NCOA7: variants seen among roughly 807,000 people sequenced by gnomAD.
NCOA7 encodes 140 kDa estrogen receptor-associated protein.
NCOA7 carries 45 observed loss-of-function variants against 104.3 expected under a neutral mutation model. That is an observed-to-expected ratio of 0.43 (90% CI 0.34 to 0.55). The LOEUF (loss-of-function observed/expected upper bound fraction) is 0.55. NCOA7 is among the 20% of genes least tolerant of loss of function. The pLI, the probability that NCOA7 is intolerant of heterozygous loss-of-function variation, is 0.02. For synonymous variants in NCOA7, 398 were observed against 402.3 expected (o/e 0.99, Z 0.13); for missense variants, 1,041 against 1,119.7 (o/e 0.93, Z 1.00).
intron 11 of NCOA7, 69 bp from the exon 12 acceptor site, chr6:125,920,874 G>A: frequency 6.3e-7 from 1 of 1,576,478 alleles, no homozygotes; most frequent in South Asian, 1.1e-5. Flanking sequence ...TCCCTAGAGT[G>A]ATTTTTTAAA....
At position 125,799,880 on chromosome 6, in the gene NCOA7, G is replaced by T. The variant is rs577587773; in HGVS notation, c.-65+8813G>T. Among the ~76,000 whole-genome samples the T allele has an allele frequency of 2.6e-5, 4 of 152,276 alleles. No individual in the cohort carries two copies. The East Asian group carries it at 7.7e-4, about 29-fold the overall frequency. Reference sequence around the variant, plus strand: ...TGTTGATGACATTCTTAGAGATAACGTATGAGTGTTCTGTTTCATGATCCC... The same window carrying T: ...TGTTGATGACATTCTTAGAGATAACTTATGAGTGTTCTGTTTCATGATCCC... On this transcript the variant is annotated intron_variant, in intron 1 of 15. Coordinates refer to ENST00000392477, the MANE Select transcript of NCOA7 (RefSeq NM_181782.5).
chr6:125,804,836 C>T (rs1776284524), intron 1 of NCOA7, among the ~76,000 whole-genome samples: 1 of 151,926 alleles, frequency 6.6e-6, no homozygotes, highest in Non-Finnish European at 1.5e-5. Flanking sequence ...TTACCAATTC[C>T]ATTTTCTGTG....
intron 2 of NCOA7, among the ~76,000 whole-genome samples, chr6:125,830,296 A>G (rs1264077258): frequency 6.6e-6 from 1 of 152,172 alleles, no homozygotes; most frequent in African/African-American, 2.4e-5. Context: ...CCATCCCTGA[A>G]CCTTTTCCAG....
chr6:125,852,009 G>A (rs552588698), intron 2 of NCOA7, among the ~76,000 whole-genome samples: 1 of 151,976 alleles, frequency 6.6e-6, no homozygotes, highest in African/African-American at 2.4e-5. Context: ...TTTGTCAGAT[G>A]CATAGTTTGT....
At chr6:125,892,177 A>G (rs977650326) in intron 10 of NCOA7, among the ~76,000 whole-genome samples, 4 of 152,182 alleles carry the variant, frequency 2.6e-5, no homozygotes, top group Non-Finnish European at 5.9e-5. Context: ...CCTATCATAT[A>G]TATCACTTTT....
chr6:125,799,404 A>G (rs1017129902), intron 1 of NCOA7, among the ~76,000 whole-genome samples: 8 of 151,924 alleles, frequency 5.3e-5, no homozygotes, highest in Non-Finnish European at 1.0e-4. Context: ...TTGTGCCACA[A>G]ATGAACTAAA....
intron 13 of NCOA7, among the ~76,000 whole-genome samples, chr6:125,926,958 A>T (rs1335045836): frequency 1.3e-5 from 2 of 152,172 alleles, no homozygotes; most frequent in Admixed American, 1.3e-4. Flanking sequence ...ACTACTCCTC[A>T]TGTAGCTTGG....
At position 125,905,611 on chromosome 6, in the gene NCOA7, G is replaced by A. The variant is rs1057021166; in HGVS notation, c.2097-9722G>A. ...ACCTTCCAGAAAATACCGGAGCCAG[G>A]TTCGATTTAACAAAGGGCATATACA... On this transcript the variant is annotated intron_variant, in intron 10 of 15. Coordinates refer to ENST00000392477, the MANE Select transcript of NCOA7 (RefSeq NM_181782.5). Among the ~76,000 whole-genome samples the A allele has an allele frequency of 4.6e-5, 7 of 152,094 alleles. No homozygotes were observed. In the East Asian group the frequency reaches 1.4e-3, roughly 29 times the overall value.
chr6:125,838,207 G>A (rs1377479106), intron 2 of NCOA7, among the ~76,000 whole-genome samples: 1 of 152,180 alleles, frequency 6.6e-6, no homozygotes, highest in Non-Finnish European at 1.5e-5. Flanking sequence ...GGGTGCAGAA[G>A]CTTCTATACC....
intron 10 of NCOA7, 41 bp downstream of exon 10, chr6:125,890,851 G>A (rs749761440): frequency 7.0e-7 from 1 of 1,429,058 alleles, no homozygotes; most frequent in Admixed American, 2.6e-5. Context: ...GGTCTGTTAG[G>A]TTTGGATGGC....
chr6:125,806,943 G>C (rs1166494394), intron 1 of NCOA7, among the ~76,000 whole-genome samples: 1 of 152,168 alleles, frequency 6.6e-6, no homozygotes, highest in African/African-American at 2.4e-5. Flanking sequence ...TTATTTAGGT[G>C]AGGTGTTGAA....
At chr6:125,927,524 TTTTAAG>T (rs1788140618) in intron 13 of NCOA7, 133 bp from the exon 14 acceptor site, 5 of 662,806 alleles carry the variant, frequency 7.5e-6, no homozygotes, top group African/African-American at 1.8e-5. Context: ...TTGGTGGTCT[TTTTAAG>T]TTTGAGTGCC....
chr6:125,791,919 C>A lies in NCOA7; in HGVS notation c.-65+852C>A, dbSNP rs900799046. Among the ~76,000 whole-genome samples the A allele has an allele frequency of 3.9e-5, 6 of 152,148 alleles. No homozygotes were observed. The East Asian group carries it at 1.2e-3, about 29-fold the overall frequency. ...AGCTTTTGGCAAGATTCCCTCTTCC[C>A]AGACTATCATTTTTTATTTTATATT... On this transcript the variant is annotated intron_variant, in intron 1 of 15. Transcript: ENST00000392477.
At chr6:125,852,526 T>G (rs898470148) in intron 2 of NCOA7, among the ~76,000 whole-genome samples, 1 of 152,142 alleles carries the variant, frequency 6.6e-6, no homozygotes, top group Non-Finnish European at 1.5e-5. Flanking sequence ...CTTCTAGAGT[T>G]TTTGTGGTAT....
chr6:125,916,262 G>A (rs2128691127), intron 11 of NCOA7, among the ~76,000 whole-genome samples: 2 of 152,318 alleles, frequency 1.3e-5, no homozygotes, highest in Middle Eastern at 6.8e-3. Context: ...CTTCTGCCAT[G>A]ATTGTAAGTT....
chr6:125,897,114 CG>C (rs1785091197), intron 10 of NCOA7, among the ~76,000 whole-genome samples: 1 of 152,190 alleles, frequency 6.6e-6, no homozygotes, highest in Non-Finnish European at 1.5e-5. Flanking sequence ...CGTATACATG[CG>C]CACACAGGTA....
At chr6:125,924,883 C>T (rs1787897303) in intron 13 of NCOA7, among the ~76,000 whole-genome samples, 1 of 152,064 alleles carries the variant, frequency 6.6e-6, no homozygotes, top group Non-Finnish European at 1.5e-5. Flanking sequence ...ACTGTGGGTC[C>T]CCTGTATTTC....
chr6:125,827,188 C>CAAAAAA (rs66522338), intron 2 of NCOA7, among the ~76,000 whole-genome samples: 1 of 79,020 alleles, frequency 1.3e-5, no homozygotes, highest in Non-Finnish European at 2.2e-5. Flanking sequence ...AACTCCATCT[C>CAAAAAA]AAAAAAAAAA....
intron 1 of NCOA7, among the ~76,000 whole-genome samples, chr6:125,803,756 A>G (rs565793885): frequency 6.6e-6 from 1 of 152,342 alleles, no homozygotes; most frequent in Admixed American, 6.5e-5. Flanking sequence ...CTCAAATTTA[A>G]TTCTTGAAAA....
Sources: allele counts gnomAD v4.1 joint callset (sites outside exome capture counted in the v4.1 genomes callset), GRCh38; gene constraint gnomAD v4.1.1; transcripts MANE v1.5; gene names NCBI Gene and HGNC (gene_info 2026-07-23, HGNC 2026-07-21).